Variants in ADGRL2 observed in about 807,000 individuals in gnomAD.
ADGRL2 encodes adhesion G protein-coupled receptor L2, also known as calcium-independent alpha-latrotoxin receptor 2.
In ADGRL2, 44 loss-of-function variants were observed where a neutral mutation model predicts 157.4. That is an observed-to-expected ratio of 0.28 (90% CI 0.22 to 0.36). The LOEUF (loss-of-function observed/expected upper bound fraction) is 0.36, where lower values mean the gene tolerates loss of function less well. Among genes scored for constraint, ADGRL2 ranks in the 10% least tolerant of loss-of-function variants. The pLI is 1.00. For synonymous variants in ADGRL2, 585 were observed against 624.7 expected (o/e 0.94, Z 0.95); for missense variants, 1,510 against 1,768.9 (o/e 0.85, Z 2.63).
At chr1:81,934,809 C>G (rs1306359851) in intron 3 of ADGRL2, among the ~76,000 whole-genome samples, 2 of 150,660 alleles carry the variant, frequency 1.3e-5, no homozygotes, top group Non-Finnish European at 3.0e-5. Flanking sequence ...ATATCTAACA[C>G]ACAGTTGTTT....
intron 1 of ADGRL2, among the ~76,000 whole-genome samples, chr1:81,404,074 G>A (rs1373800988): frequency 6.6e-6 from 1 of 152,124 alleles, no homozygotes; most frequent in East Asian, 1.9e-4. Flanking sequence ...GGGATTACAG[G>A]CGTGAGCCAC....
At chr1:81,883,056 T>C (rs915235249) in intron 2 of ADGRL2, among the ~76,000 whole-genome samples, 11 of 152,206 alleles carry the variant, frequency 7.2e-5, no homozygotes, top group African/African-American at 2.2e-4. Flanking sequence ...TTATTTAGAA[T>C]GCAGCTGGCA....
chr1:81,710,018 G>C (rs948546309), intron 1 of ADGRL2, among the ~76,000 whole-genome samples: 8 of 152,132 alleles, frequency 5.3e-5, no homozygotes, highest in Admixed American at 3.3e-4. Flanking sequence ...CCTGTGGTGT[G>C]TCTCCTTATC....
intron 2 of ADGRL2, among the ~76,000 whole-genome samples, chr1:81,875,524 A>C (rs1264915474): frequency 6.6e-6 from 1 of 152,172 alleles, no homozygotes; most frequent in Non-Finnish European, 1.5e-5. Context: ...TAGGATTTTT[A>C]ACTGTGATAT....
intron 2 of ADGRL2, among the ~76,000 whole-genome samples, chr1:81,508,169 G>A (rs2079012809): frequency 6.6e-6 from 1 of 152,154 alleles, no homozygotes; most frequent in Non-Finnish European, 1.5e-5. Context: ...ATATTATGTA[G>A]CTTGTGTATG....
At chr1:81,854,281 T>G (rs1206719940) in intron 2 of ADGRL2, among the ~76,000 whole-genome samples, 1 of 152,186 alleles carries the variant, frequency 6.6e-6, no homozygotes, top group Non-Finnish European at 1.5e-5. Context: ...TCAGCTTTGA[T>G]TTAGGATTAG....
chr1:81,985,195 CTTTAATAAGG>C lies in ADGRL2; in HGVS notation c.3412-62_3412-53del, dbSNP rs1662803062. 3 of 928,440 alleles carry C rather than the reference CTTTAATAAGG, an allele frequency of 3.2e-6. No individual in the cohort carries two copies. The South Asian group carries it at 4.7e-5, about 14-fold the overall frequency. The allele number at this position is 928,440 out of a possible 1,614,324, so 57.5% of individuals were successfully genotyped here. A position where few individuals can be genotyped will look rare whatever the true frequency, so the allele number is the denominator to read the frequency against. On this transcript the variant is annotated intron_variant, in intron 20 of 23. Coordinates refer to ENST00000686636, the MANE Select transcript of ADGRL2 (RefSeq NM_001366006.2). ...TTGTTTAGGGTAAATCCTTGTATGTCTTTAATAAGGTAAGTTTGGGGAAACTAACAAAACA... is the reference window on the plus strand; with the variant it reads ...TTGTTTAGGGTAAATCCTTGTATGTCTAAGTTTGGGGAAACTAACAAAACA...
At chr1:81,618,644 C>T (rs1231753553) in intron 3 of ADGRL2, among the ~76,000 whole-genome samples, 2 of 152,172 alleles carry the variant, frequency 1.3e-5, no homozygotes, top group Non-Finnish European at 2.9e-5. Flanking sequence ...CAGACATAAA[C>T]ACCATATGAA....
At chr1:81,348,862 C>A (rs1662669967) in intron 1 of ADGRL2, among the ~76,000 whole-genome samples, 1 of 152,164 alleles carries the variant, frequency 6.6e-6, no homozygotes, top group Non-Finnish European at 1.5e-5. Flanking sequence ...AATGCATCTG[C>A]ATGCTTCATT....
At chr1:81,465,667 A>C (rs745711747) in intron 2 of ADGRL2, among the ~76,000 whole-genome samples, 1 of 152,196 alleles carries the variant, frequency 6.6e-6, no homozygotes, top group African/African-American at 2.4e-5. Context: ...GATGGTATTT[A>C]TAGTGCCTTT....
chr1:81,910,580 G>T (rs2094697035), intron 3 of ADGRL2, among the ~76,000 whole-genome samples: 2 of 149,768 alleles, frequency 1.3e-5, no homozygotes, highest in Non-Finnish European at 3.0e-5. Flanking sequence ...GCTGAGAATG[G>T]ATATCATTTT....
intron 2 of ADGRL2, among the ~76,000 whole-genome samples, chr1:81,522,853 TACTC>T (rs2079355233): frequency 6.6e-6 from 1 of 152,214 alleles, no homozygotes; most frequent in Non-Finnish European, 1.5e-5. Flanking sequence ...ATTTTACTCT[TACTC>T]AACAAGAAAC....
At chr1:81,410,980 G>A (rs1260926867) in intron 1 of ADGRL2, among the ~76,000 whole-genome samples, 1 of 152,190 alleles carries the variant, frequency 6.6e-6, no homozygotes, top group Non-Finnish European at 1.5e-5. Context: ...TTATCTTCCT[G>A]TATTTTAAGG....
At chr1:81,415,912 C>T (rs1460409650) in intron 1 of ADGRL2, among the ~76,000 whole-genome samples, 1 of 150,846 alleles carries the variant, frequency 6.6e-6, no homozygotes, top group Non-Finnish European at 1.5e-5. Flanking sequence ...GCGATCTCAG[C>T]TCACTGCAAG....
chr1:81,918,820 A>G (rs1163380133), intron 3 of ADGRL2, among the ~76,000 whole-genome samples: 1 of 152,132 alleles, frequency 6.6e-6, no homozygotes, highest in Non-Finnish European at 1.5e-5. Context: ...ATTAATTAAA[A>G]TGCTTTAGTT....
chr1:81,618,355 C>T (rs976076956), intron 3 of ADGRL2, among the ~76,000 whole-genome samples: 2 of 152,180 alleles, frequency 1.3e-5, no homozygotes, highest in African/African-American at 4.8e-5. Flanking sequence ...TCCCTATCCA[C>T]TCAGAGGCTT....
intron 3 of ADGRL2, among the ~76,000 whole-genome samples, chr1:81,602,966 G>A (rs1251308775): frequency 1.3e-5 from 2 of 151,916 alleles, no homozygotes; most frequent in African/African-American, 4.8e-5. Flanking sequence ...AGTAACCACT[G>A]GTGGTAAGGT....
intron 1 of ADGRL2, among the ~76,000 whole-genome samples, chr1:81,367,079 C>A (rs1302268819): frequency 6.6e-6 from 1 of 152,088 alleles, no homozygotes; most frequent in Non-Finnish European, 1.5e-5. Context: ...ATTTTACAGT[C>A]ACACAAATGT....
At chr1:81,608,971 G>T (rs1480731868) in intron 3 of ADGRL2, among the ~76,000 whole-genome samples, 1 of 152,112 alleles carries the variant, frequency 6.6e-6, no homozygotes, top group Non-Finnish European at 1.5e-5. Flanking sequence ...CTCTTGAGAG[G>T]TTTACATTGA....
Sources: gnomAD v4.1 joint callset for allele counts (sites outside exome capture counted in the v4.1 genomes callset) on GRCh38, gnomAD v4.1.1 for gene constraint, MANE v1.5 for transcripts, NCBI Gene and HGNC (gene_info 2026-07-23, HGNC 2026-07-21) for gene names.